CFAP299: variants seen among roughly 807,000 people sequenced by gnomAD.
The protein encoded by CFAP299 is cilia- and flagella-associated protein 299.
Under a neutral mutation model 27.0 loss-of-function variants are expected in CFAP299, and 21 were observed. The observed-to-expected ratio is 0.78, with a 90% CI of 0.55 to 1.12. The LOEUF is 1.12. Ranked by LOEUF, CFAP299 falls within the 50% of genes most tolerant of loss-of-function variation. The probability of loss-of-function intolerance (pLI) is 0.00; values close to 1 mark genes in which losing one functional copy is unlikely to be tolerated. For missense variants in CFAP299, 310 were observed against 276.6 expected (o/e 1.12, Z -0.86); for synonymous variants, 104 against 98.1 (o/e 1.06, Z -0.36).
At chr4:80,357,913 C>T (rs1723352065) in intron 1 of CFAP299, among the ~76,000 whole-genome samples, 1 of 151,976 alleles carries the variant, frequency 6.6e-6, no homozygotes, top group South Asian at 2.1e-4. Flanking sequence ...TCCTCTTGTT[C>T]TTTTAATTGT....
At position 80,541,385 on chromosome 4, in the gene CFAP299, G is replaced by A. The variant is rs149272940; in HGVS notation, c.243-41708G>A. ...AAACAGATGGGTTACTTCAATCAAA[G>A]TTTTAAATGTGTTAAAGACCTATAT... On this transcript the variant is annotated intron_variant, in intron 2 of 5. Transcript: ENST00000358105. Among the ~76,000 whole-genome samples, 484 of 152,246 alleles carry A rather than the reference G, an allele frequency of 3.2e-3. 5 individuals carry two copies. The highest frequency in any genetic ancestry group is 0.011 in the African/African-American group (450 of 41,544).
At chr4:80,755,092 TG>T (rs552934675) in intron 3 of CFAP299, among the ~76,000 whole-genome samples, 170 of 152,214 alleles carry the variant, frequency 1.1e-3, no homozygotes, top group African/African-American at 3.7e-3. Flanking sequence ...ATTAATCAAA[TG>T]AGATAAAATC....
chr4:80,751,728 C>A (rs115505722), intron 3 of CFAP299, among the ~76,000 whole-genome samples: 162 of 152,246 alleles, frequency 1.1e-3, no homozygotes, highest in African/African-American at 3.7e-3. Flanking sequence ...GAGACTGTGG[C>A]CCCCTCCCCC....
chr4:80,567,381 T>C (rs1211432210), intron 2 of CFAP299, among the ~76,000 whole-genome samples: 2 of 152,098 alleles, frequency 1.3e-5, no homozygotes, highest in Non-Finnish European at 2.9e-5. Flanking sequence ...GTTATTAAAA[T>C]ATAAATTGAT....
At chr4:80,877,010 TGTGA>T (rs1733414796) in intron 4 of CFAP299, among the ~76,000 whole-genome samples, 1 of 152,132 alleles carries the variant, frequency 6.6e-6, no homozygotes, top group South Asian at 2.1e-4. Flanking sequence ...TTTCAGTCAC[TGTGA>T]GTAAGAATTA....
rs117580522 is a variant in CFAP299, at chr4:80,643,077, G to A, written c.333+59894G>A. On this transcript the variant is annotated intron_variant, in intron 3 of 5. Coordinates refer to ENST00000358105, the MANE Select transcript of CFAP299 (RefSeq NM_152770.3). ...TTTGGGAGGCCGAGAAAGGAGGATC[G>A]CTTGAGCCTAGGAGTTCGAGACCAG... Among the ~76,000 whole-genome samples the A allele has an allele frequency of 3.2e-4, 49 of 152,076 alleles. No homozygotes were observed. The East Asian group carries it at 8.5e-3, about 26-fold the overall frequency.
intron 3 of CFAP299, among the ~76,000 whole-genome samples, chr4:80,765,413 A>G (rs1283413363): frequency 6.6e-6 from 1 of 152,192 alleles, no homozygotes; most frequent in Non-Finnish European, 1.5e-5. Flanking sequence ...TGATTCCCAT[A>G]GAAAAAAACA....
intron 1 of CFAP299, among the ~76,000 whole-genome samples, chr4:80,361,541 T>G (rs571165680): frequency 6.6e-5 from 10 of 152,312 alleles, no homozygotes; most frequent in Non-Finnish European, 1.3e-4. Flanking sequence ...TGGTTCACAC[T>G]AAAGGATACT....
At chr4:80,459,957 G>A (rs1378618126) in intron 2 of CFAP299, among the ~76,000 whole-genome samples, 1 of 152,164 alleles carries the variant, frequency 6.6e-6, no homozygotes, top group African/African-American at 2.4e-5. Context: ...TAATATGCAA[G>A]GGTGTGTATG....
chr4:80,531,999 G>A (rs1443997663), intron 2 of CFAP299, among the ~76,000 whole-genome samples: 8 of 151,888 alleles, frequency 5.3e-5, no homozygotes, highest in Non-Finnish European at 1.0e-4. Flanking sequence ...CAGGTGATCC[G>A]CCTGCCTCAG....
intron 4 of CFAP299, among the ~76,000 whole-genome samples, chr4:80,895,245 G>A (rs181996359): frequency 6.6e-6 from 1 of 151,552 alleles, no homozygotes; most frequent in Admixed American, 6.6e-5. Context: ...CCTGATTGTG[G>A]CAATCATTTC....
At chr4:80,355,370 T>C (rs544168116) in intron 1 of CFAP299, among the ~76,000 whole-genome samples, 1 of 147,064 alleles carries the variant, frequency 6.8e-6, no homozygotes, top group Admixed American at 6.8e-5. Context: ...TTTTTTTTTT[T>C]TTTTTGAGAC....
At chr4:80,919,596 C>T (rs751659921) in intron 4 of CFAP299, among the ~76,000 whole-genome samples, 2 of 152,092 alleles carry the variant, frequency 1.3e-5, no homozygotes, top group Non-Finnish European at 2.9e-5. Flanking sequence ...CTTTTGAGTC[C>T]ATGACTCACA....
At chr4:80,634,383 ATTTAC>A (rs1311366449) in intron 3 of CFAP299, among the ~76,000 whole-genome samples, 1 of 152,134 alleles carries the variant, frequency 6.6e-6, no homozygotes, top group Non-Finnish European at 1.5e-5. Flanking sequence ...TTCTTCGGCA[ATTTAC>A]TTAATCTTTT....
At chr4:80,521,615 C>T (rs896184709) in intron 2 of CFAP299, among the ~76,000 whole-genome samples, 1 of 152,052 alleles carries the variant, frequency 6.6e-6, no homozygotes, top group African/African-American at 2.4e-5. Context: ...CAGCTCACCA[C>T]TTCCCCTTTC....
intron 3 of CFAP299, among the ~76,000 whole-genome samples, chr4:80,694,240 T>C (rs758982165): frequency 6.6e-6 from 1 of 152,142 alleles, no homozygotes; most frequent in Admixed American, 6.6e-5. Context: ...CATTTCACCC[T>C]TTGAGGTCAG....
intron 3 of CFAP299, among the ~76,000 whole-genome samples, chr4:80,680,944 T>A (rs1364163486): frequency 1.3e-5 from 2 of 152,028 alleles, no homozygotes; most frequent in African/African-American, 4.8e-5. Context: ...GTGTCAAGGA[T>A]CATGTTTTCA....
rs894211528 is a variant in CFAP299, at chr4:80,352,381, C to T, written c.112-10373C>T. ...TCAGGAGTTCGAGACCAGCCTGGCCCACATGGTGAAACCCCGTCTCTACTA... is the reference window on the plus strand; with the variant it reads ...TCAGGAGTTCGAGACCAGCCTGGCCTACATGGTGAAACCCCGTCTCTACTA... On this transcript the variant is annotated intron_variant, in intron 1 of 5. Transcript: ENST00000358105. Among the ~76,000 whole-genome samples, 6 of 152,026 alleles carry T rather than the reference C, an allele frequency of 3.9e-5. 1 individual carries two copies. Among genetic ancestry groups the T allele is most frequent in the Admixed American group, 3.9e-4 (6 of 15,270 alleles).
At chr4:80,387,081 G>A in intron 2 of CFAP299, 1 of 1,441,054 alleles carries the variant, frequency 6.9e-7, no homozygotes, top group Non-Finnish European at 9.8e-7. Context: ...GTGAGTGGCG[G>A]TCTGCAGGTG....
Sources: gnomAD v4.1 joint callset for allele counts (sites outside exome capture counted in the v4.1 genomes callset) on GRCh38, gnomAD v4.1.1 for gene constraint, MANE v1.5 for transcripts, NCBI Gene and HGNC (gene_info 2026-07-23, HGNC 2026-07-21) for gene names.